Variants in WWC2 observed in about 807,000 individuals in gnomAD.
WWC2 encodes WW and C2 domain containing 2, also known as protein WWC2.
In WWC2, 101 loss-of-function variants were observed where a neutral mutation model predicts 138.5. The ratio of observed to expected loss-of-function variants is 0.73; its 90% confidence interval spans 0.62 to 0.86. WWC2 has a LOEUF of 0.86. Ranked by LOEUF, WWC2 falls within the 40% of genes least tolerant of loss-of-function variation. WWC2 has a pLI of 0.00. For missense variants in WWC2, 1,420 were observed against 1,419.4 expected (o/e 1.00, Z -0.01); for synonymous variants, 558 against 538.4 (o/e 1.04, Z -0.50).
At chr4:183,215,928 AAT>A (rs2111254803) in intron 4 of WWC2, among the ~76,000 whole-genome samples, 1 of 152,208 alleles carries the variant, frequency 6.6e-6, no homozygotes, top group East Asian at 1.9e-4. Flanking sequence ...TTGACAGGAA[AAT>A]ATCACTCATA....
At chr4:183,278,453 C>A (rs1193997517) in intron 16 of WWC2, among the ~76,000 whole-genome samples, 2 of 151,170 alleles carry the variant, frequency 1.3e-5, no homozygotes, top group African/African-American at 4.9e-5. Flanking sequence ...ATTGACTTGG[C>A]GATGCAGGCT....
At chr4:183,182,003 A>G (rs1028375466) in intron 1 of WWC2, among the ~76,000 whole-genome samples, 7 of 152,222 alleles carry the variant, frequency 4.6e-5, no homozygotes, top group African/African-American at 1.7e-4. Context: ...TGATACCAAA[A>G]TATGATGTAT....
At chr4:183,304,026 T>C (rs574785562) in intron 21 of WWC2, among the ~76,000 whole-genome samples, 33 of 152,162 alleles carry the variant, frequency 2.2e-4, no homozygotes, top group Non-Finnish European at 4.1e-4. Context: ...TAGAATGTTA[T>C]GAAATCATTA....
intron 1 of WWC2, among the ~76,000 whole-genome samples, chr4:183,132,945 C>T (rs991899691): frequency 6.8e-6 from 1 of 146,024 alleles, no homozygotes. Context: ...TTATTATTAG[C>T]CCCTGTTCCC....
intron 1 of WWC2, among the ~76,000 whole-genome samples, chr4:183,105,953 G>A (rs1443653241): frequency 6.6e-6 from 1 of 151,154 alleles, no homozygotes; most frequent in Non-Finnish European, 1.5e-5. Context: ...TACTGAAAAA[G>A]TTACCACAGA....
rs796488484 is a variant in WWC2 at position 183,250,070 on chromosome 4, A to G, written c.953+77A>G. ...AATTAATCTTTACTCCTGTGGTGAC[A>G]TCTGCTGGGCACTCCCCATACATTC... On this transcript the variant is annotated intron_variant, in intron 8 of 22. Coordinates refer to ENST00000403733, the MANE Select transcript of WWC2 (RefSeq NM_024949.6). The G allele has an allele frequency of 3.1e-5, 41 of 1,340,802 alleles. No homozygotes were observed. The African/African-American group carries it at 3.9e-4, about 13-fold the overall frequency. 83.1% of individuals were successfully genotyped at this position (1,340,802 alleles called of 1,614,324 possible). A position where few individuals can be genotyped will look rare whatever the true frequency, so the allele number is the denominator to read the frequency against.
rs1193670243 is a variant in WWC2 at position 183,247,623 on chromosome 4, C to CTATATACTATATATACTA, written c.733-1077_733-1060dup. Among the ~76,000 whole-genome samples the CTATATACTATATATACTA allele has an allele frequency of 5.1e-4, 65 of 126,976 alleles. 2 individuals carry two copies. The highest frequency in any genetic ancestry group is 2.0e-3 in the African/African-American group (61 of 30,460). The allele number at this position is 126,976 out of a possible 152,430, so 83.3% of individuals were successfully genotyped here. ...ATATATGCTATATATACTATATATACTATATACTATATATACTATATATAC... is the reference window on the plus strand; with the variant it reads ...ATATATGCTATATATACTATATATACTATATACTATATATACTATATATACTATATATACTATATATAC... On this transcript the variant is annotated intron_variant, in intron 6 of 22. Transcript: ENST00000403733.
chr4:183,142,347 G>A lies in WWC2; in HGVS notation c.131+42725G>A, dbSNP rs115864232. 5.4e-3 allele frequency among the ~76,000 whole-genome samples: 824 copies of A among 152,204 alleles called. 6 individuals carry two copies. The highest frequency in any genetic ancestry group is 0.019 in the African/African-American group (795 of 41,534). On this transcript the variant is annotated intron_variant, in intron 1 of 22. Coordinates refer to ENST00000403733, the MANE Select transcript of WWC2 (RefSeq NM_024949.6). ...GTCCCAAATATGCTTTTTTGTTTGA[G>A]GCTAAGTTGTTACAGGGATTAGGTT...
chr4:183,129,377 G>A (rs976877889), intron 1 of WWC2, among the ~76,000 whole-genome samples: 1 of 152,140 alleles, frequency 6.6e-6, no homozygotes, highest in African/African-American at 2.4e-5. Flanking sequence ...CTTATCCTGG[G>A]ATGATGGGCG....
chr4:183,129,734 A>G (rs1296293276), intron 1 of WWC2, among the ~76,000 whole-genome samples: 1 of 152,216 alleles, frequency 6.6e-6, no homozygotes, highest in Admixed American at 6.5e-5. Context: ...TTCAGGTACT[A>G]TGCAGATGTC....
At chr4:183,215,559 T>G (rs1264776181) in intron 4 of WWC2, among the ~76,000 whole-genome samples, 1 of 152,238 alleles carries the variant, frequency 6.6e-6, no homozygotes, top group East Asian at 1.9e-4. Flanking sequence ...TATAGCACAG[T>G]AGTGTCTTCT....
At chr4:183,243,939 C>A (rs1351751723) in intron 5 of WWC2, among the ~76,000 whole-genome samples, 1 of 152,164 alleles carries the variant, frequency 6.6e-6, no homozygotes, top group Non-Finnish European at 1.5e-5. Flanking sequence ...TGGGGAAATA[C>A]ATTATCTATA....
intron 1 of WWC2, among the ~76,000 whole-genome samples, chr4:183,173,050 C>T (rs927661722): frequency 2.9e-4 from 44 of 151,978 alleles, no homozygotes; most frequent in Middle Eastern, 3.4e-3. Context: ...CCCCTCTCCT[C>T]CCCTCCTCTC....
chr4:183,161,668 A>G (rs1733962477), intron 1 of WWC2, among the ~76,000 whole-genome samples: 1 of 152,190 alleles, frequency 6.6e-6, no homozygotes, highest in Non-Finnish European at 1.5e-5. Context: ...AGCTACACAA[A>G]TACTTACCAT....
chr4:183,278,202 C>T (rs1273264653), intron 16 of WWC2, among the ~76,000 whole-genome samples: 1 of 151,778 alleles, frequency 6.6e-6, no homozygotes, highest in Non-Finnish European at 1.5e-5. Flanking sequence ...ATATGGCTAG[C>T]CAGTTTTCCC....
At chr4:183,120,389 A>T (rs1246208206) in intron 1 of WWC2, among the ~76,000 whole-genome samples, 4 of 152,224 alleles carry the variant, frequency 2.6e-5, no homozygotes, top group Admixed American at 6.5e-5. Flanking sequence ...AAATGCATGT[A>T]CACAGATTGA....
chr4:183,152,790 G>A (rs1733680543), intron 1 of WWC2, among the ~76,000 whole-genome samples: 1 of 151,752 alleles, frequency 6.6e-6, no homozygotes, highest in South Asian at 2.1e-4. Flanking sequence ...GGCTGAGGCA[G>A]GAGAATCGCT....
chr4:183,208,799 A>G, intron 3 of WWC2, 150 bp from the exon 4 acceptor site: 1 of 581,548 alleles, frequency 1.7e-6, no homozygotes, highest in East Asian at 2.9e-5. Context: ...AACTTTTTAT[A>G]TTTAGGTGTC....
intron 4 of WWC2, among the ~76,000 whole-genome samples, chr4:183,236,722 T>A (rs1442562603): frequency 6.6e-6 from 1 of 152,214 alleles, no homozygotes; most frequent in African/African-American, 2.4e-5. Context: ...GATTCAGTTT[T>A]GCTATTTTTG....
Sources: gnomAD v4.1 joint callset for allele counts (sites outside exome capture counted in the v4.1 genomes callset) on GRCh38, gnomAD v4.1.1 for gene constraint, MANE v1.5 for transcripts, NCBI Gene and HGNC (gene_info 2026-07-23, HGNC 2026-07-21) for gene names.